SLC44A1: variants seen among roughly 807,000 people sequenced by gnomAD.
SLC44A1 encodes the protein solute carrier family 44 member 1.
In SLC44A1, 26 loss-of-function variants were observed where a neutral mutation model predicts 79.3. The observed-to-expected ratio is 0.33, with a 90% CI of 0.24 to 0.46. SLC44A1 has a LOEUF of 0.46. Ranked by LOEUF, SLC44A1 falls within the 20% of genes least tolerant of loss-of-function variation. The probability of loss-of-function intolerance (pLI) is 1.00; values close to 1 mark genes in which losing one functional copy is unlikely to be tolerated. For missense variants in SLC44A1, 688 were observed against 798.1 expected, an observed-to-expected ratio of 0.86 and a Z score of 1.66; for synonymous variants, 263 against 286.2, an observed-to-expected ratio of 0.92 and a Z score of 0.82.
chr9:105,246,924 C>A, intron 1 of SLC44A1, among the ~76,000 whole-genome samples: 2 of 152,306 alleles, frequency 1.3e-5, no homozygotes, highest in East Asian at 3.9e-4. Flanking sequence ...GTAGAACATG[C>A]CTTGTTCCAC....
intron 1 of SLC44A1, among the ~76,000 whole-genome samples, chr9:105,278,820 G>C (rs750126708): frequency 1.3e-5 from 2 of 151,882 alleles, no homozygotes; most frequent in African/African-American, 4.8e-5. Flanking sequence ...TTTTTTTTCC[G>C]CCTTTAAGGT....
intron 1 of SLC44A1, among the ~76,000 whole-genome samples, chr9:105,261,129 C>T (rs950590192): frequency 2.6e-5 from 4 of 152,108 alleles, no homozygotes; most frequent in African/African-American, 9.7e-5. Context: ...TGAATTCTAC[C>T]TTGCTAGCAT....
At chr9:105,314,358 TG>T (rs1487182400) in intron 3 of SLC44A1, among the ~76,000 whole-genome samples, 2 of 152,246 alleles carry the variant, frequency 1.3e-5, no homozygotes, top group East Asian at 3.9e-4. Flanking sequence ...TAAAACTGGG[TG>T]ACAGTAAGTA....
rs184920664 is a variant in SLC44A1 at position 105,357,701 on chromosome 9, T to A, written c.671-643T>A. 2.0e-5 allele frequency among the ~76,000 whole-genome samples: 3 copies of A among 152,298 alleles called. No individual in the cohort carries two copies. In the East Asian group the frequency reaches 5.8e-4, roughly 29 times the overall value. ...GGCTGTATAACTCAAACAGCTTTGC[T>A]CCTTTTTGAGGAAGGTCTCCTCACC... On this transcript the variant is annotated intron_variant, in intron 6 of 15. Coordinates refer to ENST00000374720, the MANE Select transcript of SLC44A1 (RefSeq NM_080546.5).
Position 105,395,130 on chromosome 9 carries a change from T to C in SLC44A1, c.*6074T>C. 1 of 985,444 alleles carries C rather than the reference T, an allele frequency of 1.0e-6. No individual in the cohort carries two copies. The highest frequency in any genetic ancestry group is 1.2e-6 in the Non-Finnish European group (1 of 829,952). 61.0% of individuals were successfully genotyped at this position (985,444 alleles called of 1,614,324 possible). On this transcript the variant is annotated 3_prime_UTR_variant, in exon 16 of 16. Transcript: ENST00000374720. The stretch of plus-strand genomic sequence containing the variant: ...TCCTACTTTTTCAGGCTGAAGAAAG[T>C]GGAAATATAACTGGCTGGTGAAGAA...
intron 1 of SLC44A1, among the ~76,000 whole-genome samples, chr9:105,254,033 TAAAC>T (rs1382909245): frequency 1.3e-5 from 2 of 151,428 alleles, no homozygotes; most frequent in Non-Finnish European, 2.9e-5. Flanking sequence ...GACCCTGTCT[TAAAC>T]AAAGAAACAA....
At chr9:105,436,550 C>T (rs757590984) in intron 15 of SLC44A1, among the ~76,000 whole-genome samples, 8 of 152,078 alleles carry the variant, frequency 5.3e-5, no homozygotes, top group Non-Finnish European at 7.4e-5. Context: ...CACTGCACTC[C>T]GTTCGGGGTG....
intron 1 of SLC44A1, among the ~76,000 whole-genome samples, chr9:105,276,894 A>G (rs1205845929): frequency 1.3e-5 from 2 of 152,208 alleles, no homozygotes; most frequent in Non-Finnish European, 2.9e-5. Flanking sequence ...TGCATGTGAC[A>G]GGAAGATATT....
chr9:105,266,340 G>A (rs1193397642), intron 1 of SLC44A1, among the ~76,000 whole-genome samples: 1 of 152,082 alleles, frequency 6.6e-6, no homozygotes, highest in Non-Finnish European at 1.5e-5. Context: ...CCACTGGCTC[G>A]GGAATGAATT....
At chr9:105,330,963 C>T (rs1412510139) in intron 3 of SLC44A1, among the ~76,000 whole-genome samples, 2 of 152,194 alleles carry the variant, frequency 1.3e-5, no homozygotes, top group Non-Finnish European at 2.9e-5. Flanking sequence ...ATTTCTGTAT[C>T]ATCTGATCAT....
At chr9:105,278,398 G>GCCA (rs768744388) in intron 1 of SLC44A1, among the ~76,000 whole-genome samples, 2 of 152,104 alleles carry the variant, frequency 1.3e-5, no homozygotes, top group Non-Finnish European at 2.9e-5. Flanking sequence ...ACGGGCGCCC[G>GCCA]CCACCACGCC....
At position 105,381,547 on chromosome 9, in the gene SLC44A1, C is replaced by T. The variant is rs1203682866; in HGVS notation, c.1633-1576C>T. Among the ~76,000 whole-genome samples the T allele has an allele frequency of 2.9e-5, 4 of 139,060 alleles. 1 individual carries two copies. In the East Asian group the frequency reaches 8.2e-4, roughly 29 times the overall value. 91.2% of individuals were successfully genotyped at this position (139,060 alleles called of 152,430 possible). ...TGGGCAACAGAGCAAGACTCTGTCTCGAAAAAAAAAAAGAAGAAAAAGAAA... is the reference window on the plus strand; with the variant it reads ...TGGGCAACAGAGCAAGACTCTGTCTTGAAAAAAAAAAAGAAGAAAAAGAAA... On this transcript the variant is annotated intron_variant, in intron 13 of 15. Transcript: ENST00000374720.
intron 1 of SLC44A1, among the ~76,000 whole-genome samples, chr9:105,287,459 C>T (rs746554931): frequency 6.6e-6 from 1 of 152,116 alleles, no homozygotes; most frequent in South Asian, 2.1e-4. Flanking sequence ...TTCAAACACA[C>T]ATTTTATAAT....
rs1828801312 is a variant in SLC44A1 at position 105,393,060 on chromosome 9, A to G, written c.*4004A>G. 1.0e-6 allele frequency: 1 copy of G among 985,256 alleles called. No individual in the cohort carries two copies. The highest frequency in any genetic ancestry group is 1.7e-5 in the African/African-American group (1 of 57,252). The allele number at this position is 985,256 out of a possible 1,614,324, so 61.0% of individuals were successfully genotyped here. A position where few individuals can be genotyped will look rare whatever the true frequency, so the allele number is the denominator to read the frequency against. ...ATTCTTTTCATACATTCCATCTGAC[A>G]CATACGAGTGCACTATAATGGCTTG... On this transcript the variant is annotated 3_prime_UTR_variant, in exon 16 of 16. Transcript: ENST00000374720.
At chr9:105,328,101 C>T (rs1826637973) in intron 3 of SLC44A1, among the ~76,000 whole-genome samples, 1 of 152,218 alleles carries the variant, frequency 6.6e-6, no homozygotes, top group Non-Finnish European at 1.5e-5. Flanking sequence ...TAATTACCAT[C>T]TGTTTATTAA....
intron 1 of SLC44A1, among the ~76,000 whole-genome samples, chr9:105,280,986 A>G (rs189191620): frequency 6.6e-6 from 1 of 152,346 alleles, no homozygotes; most frequent in East Asian, 1.9e-4. Context: ...AACCCTCTTA[A>G]GATCACCCAG....
At chr9:105,299,707 T>C in intron 2 of SLC44A1, 1 of 809,852 alleles carries the variant, frequency 1.2e-6, no homozygotes, top group Non-Finnish European at 1.5e-6. Flanking sequence ...GGGAGGCTGG[T>C]TGCTCACTGC....
At chr9:105,309,513 GT>G (rs1389386560) in intron 2 of SLC44A1, among the ~76,000 whole-genome samples, 1 of 152,240 alleles carries the variant, frequency 6.6e-6, no homozygotes, top group East Asian at 1.9e-4. Context: ...GTTGGGATTT[GT>G]TTTGTTATGG....
At chr9:105,369,319 A>C (rs1828031632) in intron 12 of SLC44A1, among the ~76,000 whole-genome samples, 1 of 152,204 alleles carries the variant, frequency 6.6e-6, no homozygotes, top group Non-Finnish European at 1.5e-5. Flanking sequence ...CAGCAAATTC[A>C]GTGGTTTGTG....
Sources: allele counts gnomAD v4.1 joint callset (sites outside exome capture counted in the v4.1 genomes callset), GRCh38; gene constraint gnomAD v4.1.1; transcripts MANE v1.5; gene names NCBI Gene and HGNC (gene_info 2026-07-23, HGNC 2026-07-21).